CDK14: variants seen among roughly 807,000 people sequenced by gnomAD.
CDK14 encodes cyclin-dependent kinase 14.
A neutral mutation model predicts 60.7 loss-of-function variants in CDK14; 34 were observed. The ratio of observed to expected loss-of-function variants is 0.56; its 90% CI spans 0.43 to 0.75. The LOEUF is 0.75. Among genes scored for constraint, CDK14 ranks in the 30% least tolerant of loss-of-function variants. CDK14 has a pLI of 0.00. For synonymous variants in CDK14, 197 were observed against 203.7 expected (o/e 0.97, Z 0.28); for missense variants, 482 against 564.1 (o/e 0.85, Z 1.47).
chr7:91,175,317 A>G (rs1302019647), intron 14 of CDK14, among the ~76,000 whole-genome samples: 2 of 152,216 alleles, frequency 1.3e-5, no homozygotes, highest in Admixed American at 6.5e-5. Flanking sequence ...AGCACTAAAC[A>G]TGGAAAGGAA....
intron 5 of CDK14, among the ~76,000 whole-genome samples, chr7:90,792,060 G>A (rs1436635257): frequency 6.6e-6 from 1 of 151,842 alleles, no homozygotes; most frequent in East Asian, 1.9e-4. Context: ...GCGCCACTAC[G>A]CCTGGCTAAT....
chr7:90,802,862 T>C (rs1249114994), intron 5 of CDK14, among the ~76,000 whole-genome samples: 1 of 152,230 alleles, frequency 6.6e-6, no homozygotes, highest in Non-Finnish European at 1.5e-5. Context: ...AGAAGAGTTA[T>C]CATCTCTTAT....
Position 90,636,866 on chromosome 7 carries a change from A to G in CDK14, c.123+32617A>G, listed in dbSNP as rs538349578. ...CTTCTTCCTGGTTTAGTCTTGGGAG[A>G]GTGTATGTGTCGAGGAATTTATCCA... On this transcript the variant is annotated intron_variant, in intron 2 of 14. Coordinates refer to ENST00000380050, the MANE Select transcript of CDK14 (RefSeq NM_001287135.2). Among the ~76,000 whole-genome samples the G allele has an allele frequency of 7.0e-4, 106 of 151,658 alleles. 1 individual carries two copies. In the East Asian group the frequency reaches 0.018, roughly 26 times the overall value.
At chr7:90,868,613 A>G (rs1174752568) in intron 6 of CDK14, among the ~76,000 whole-genome samples, 1 of 152,278 alleles carries the variant, frequency 6.6e-6, no homozygotes, top group East Asian at 1.9e-4. Flanking sequence ...AAACAAAAAT[A>G]TTGTATTTCA....
At chr7:90,862,615 G>A (rs1213108662) in intron 5 of CDK14, among the ~76,000 whole-genome samples, 1 of 152,086 alleles carries the variant, frequency 6.6e-6, no homozygotes, top group Admixed American at 6.6e-5. Flanking sequence ...CAGAAAATTA[G>A]TAAGGATATA....
At chr7:90,902,589 A>G (rs1175043646) in intron 7 of CDK14, among the ~76,000 whole-genome samples, 3 of 152,146 alleles carry the variant, frequency 2.0e-5, no homozygotes, top group South Asian at 2.1e-4. Flanking sequence ...TTTTCACCGT[A>G]TATAAAAATC....
chr7:91,110,666 G>T (rs1320366524), intron 12 of CDK14, among the ~76,000 whole-genome samples: 1 of 152,048 alleles, frequency 6.6e-6, no homozygotes, highest in African/African-American at 2.4e-5. Context: ...TACAGTTTGG[G>T]CGATTAATAA....
At chr7:90,819,180 A>G (rs1789456717) in intron 5 of CDK14, among the ~76,000 whole-genome samples, 1 of 152,168 alleles carries the variant, frequency 6.6e-6, no homozygotes, top group Non-Finnish European at 1.5e-5. Context: ...TCAGAGATGA[A>G]GTATAATGCA....
At chr7:90,670,660 G>A (rs1325732028) in intron 2 of CDK14, among the ~76,000 whole-genome samples, 1 of 151,542 alleles carries the variant, frequency 6.6e-6, no homozygotes. Flanking sequence ...AAGAGAGAGT[G>A]ATGGGAGGTG....
chr7:91,103,782 G>C (rs982329894), intron 12 of CDK14, among the ~76,000 whole-genome samples: 1 of 151,788 alleles, frequency 6.6e-6, no homozygotes, highest in Non-Finnish European at 1.5e-5. Context: ...CACTATTCAT[G>C]TTACCTTCTT....
chr7:91,044,818 G>C (rs1435220039), intron 10 of CDK14, among the ~76,000 whole-genome samples: 1 of 152,142 alleles, frequency 6.6e-6, no homozygotes, highest in East Asian at 1.9e-4. Flanking sequence ...TGAACATACA[G>C]TCCCTGTGGA....
chr7:90,596,658 G>C lies in CDK14; in HGVS notation c.31G>C (p.Glu11Gln). ...TGACCTCATTGAGCCGCAGCCGGCC[G>C]AGAAGATCGGCAAGATGAAGAAGTT... MCDLIEPQPA[E>Q]KIGKMKKLRR... Residue 11 changes from glutamate (E) to glutamine (Q), a missense_variant, in exon 1 of 15, where the codon GAG becomes CAG. Glu to Gln is a conservative substitution (Grantham distance 29). Coordinates refer to ENST00000380050, the MANE Select transcript of CDK14 (RefSeq NM_001287135.2). 1.2e-6 allele frequency: 2 copies of C among 1,612,200 alleles called. No individual in the cohort carries two copies. Among genetic ancestry groups the C allele is most frequent in the Non-Finnish European group, 1.7e-6 (2 of 1,179,422 alleles).
chr7:90,941,578 A>C (rs756995089), intron 8 of CDK14, among the ~76,000 whole-genome samples: 1 of 152,018 alleles, frequency 6.6e-6, no homozygotes, highest in Non-Finnish European at 1.5e-5. Flanking sequence ...CCACTTGAGT[A>C]GCTGGAACTA....
At chr7:90,989,410 A>T (rs1433337928) in intron 10 of CDK14, among the ~76,000 whole-genome samples, 1 of 152,154 alleles carries the variant, frequency 6.6e-6, no homozygotes, top group Non-Finnish European at 1.5e-5. Context: ...CTACTTCAGC[A>T]GTTACTCTGT....
intron 5 of CDK14, among the ~76,000 whole-genome samples, chr7:90,840,465 TTAACTA>T (rs1584033333): frequency 6.6e-6 from 1 of 152,336 alleles, no homozygotes; most frequent in African/African-American, 2.4e-5. Flanking sequence ...TCTTCTCTAA[TTAACTA>T]TAAGTTCCCA....
At chr7:91,128,314 A>G (rs1800012350) in intron 14 of CDK14, among the ~76,000 whole-genome samples, 2 of 152,314 alleles carry the variant, frequency 1.3e-5, no homozygotes, top group Admixed American at 6.5e-5. Flanking sequence ...TGTATTCAGC[A>G]TAAAAAGCTT....
At chr7:90,913,108 C>T (rs937340422) in intron 7 of CDK14, among the ~76,000 whole-genome samples, 1 of 152,084 alleles carries the variant, frequency 6.6e-6, no homozygotes, top group African/African-American at 2.4e-5. Flanking sequence ...CTCACAGGGT[C>T]TTCTGGTTTT....
chr7:91,062,276 T>C (rs697409), intron 11 of CDK14, among the ~76,000 whole-genome samples: 49,986 of 152,056 alleles, frequency 0.33, 9,569 homozygotes, highest in African/African-American at 0.51. Flanking sequence ...GGGAATGACC[T>C]GATTTTCCAG....
At chr7:90,765,635 G>A (rs1472223126) in intron 4 of CDK14, among the ~76,000 whole-genome samples, 2 of 151,200 alleles carry the variant, frequency 1.3e-5, no homozygotes, top group Non-Finnish European at 2.9e-5. Context: ...TAAGGGACTG[G>A]TGGGGATGGA....
Sources: allele counts gnomAD v4.1 joint callset (sites outside exome capture counted in the v4.1 genomes callset), GRCh38; gene constraint gnomAD v4.1.1; transcripts MANE v1.5; gene names NCBI Gene and HGNC (gene_info 2026-07-23, HGNC 2026-07-21).